TM6SF1: variants seen among roughly 807,000 people sequenced by gnomAD.
TM6SF1 encodes the protein transmembrane 6 superfamily member 1.
In TM6SF1, 43 loss-of-function variants were observed where a neutral mutation model predicts 47.1. That is an observed-to-expected ratio of 0.91 (90% CI 0.72 to 1.18). The LOEUF (loss-of-function observed/expected upper bound fraction) is 1.18, where lower values mean the gene tolerates loss of function less well. Ranked by LOEUF, TM6SF1 falls within the 50% of genes most tolerant of loss-of-function variation. The probability of loss-of-function intolerance (pLI) is 0.00; values close to 1 mark genes in which losing one functional copy is unlikely to be tolerated. For synonymous variants in TM6SF1, 177 were observed against 166.3 expected (o/e 1.06, Z -0.49); for missense variants, 390 against 449.0 (o/e 0.87, Z 1.19).
intron 9 of TM6SF1, chr15:83,129,401 G>T (rs1426663367): frequency 6.6e-6 from 1 of 152,200 alleles, no homozygotes; most frequent in Non-Finnish European, 1.5e-5. Context: ...CAGGTCAACT[G>T]AGGGGAGGCT....
intron 3 of TM6SF1, among the ~76,000 whole-genome samples, chr15:83,118,343 G>A (rs1364842239): frequency 2.6e-5 from 4 of 152,128 alleles, no homozygotes; most frequent in South Asian, 2.1e-4. Flanking sequence ...GAGTTCAGGC[G>A]AGTTGAAAGG....
intron 4 of TM6SF1, among the ~76,000 whole-genome samples, chr15:83,121,480 T>C (rs1429756821): frequency 1.3e-5 from 2 of 152,236 alleles, no homozygotes; most frequent in African/African-American, 4.8e-5. Context: ...TTTGGGGCTT[T>C]GGCCAAAATT....
At chr15:83,128,460 T>C (rs956412114) in intron 9 of TM6SF1, 3 of 152,230 alleles carry the variant, frequency 2.0e-5, no homozygotes, top group Non-Finnish European at 4.4e-5. Context: ...TATTGCTCTT[T>C]GCTGGTTGTT....
In TM6SF1 at chr15:83,111,764, A is replaced by C. The variant is rs115994225; in HGVS notation, c.93-1033A>C. Reference sequence around the variant, plus strand: ...TCAGTGCTGGAGGTGTGAGAGGGAGAGTATTGCTGTTGGACTGCAGGAGAA... The same window carrying C: ...TCAGTGCTGGAGGTGTGAGAGGGAGCGTATTGCTGTTGGACTGCAGGAGAA... On this transcript the variant is annotated intron_variant, in intron 1 of 9. Transcript: ENST00000322019. 2.3e-3 allele frequency: 1,967 copies of C among 837,826 alleles called. 36 individuals carry two copies. In the African/African-American group the frequency reaches 0.035, roughly 15 times the overall value. The allele number at this position is 837,826 out of a possible 1,614,324, so 51.9% of individuals were successfully genotyped here.
intron 1 of TM6SF1, among the ~76,000 whole-genome samples, chr15:83,110,008 G>A (rs986096764): frequency 1.3e-5 from 2 of 152,062 alleles, no homozygotes; most frequent in East Asian, 1.9e-4. Context: ...TACCTGCCCC[G>A]GCTATAGCTC....
Position 83,136,614 on chromosome 15 carries a change from G to A in TM6SF1, c.1055G>A (p.Arg352His), listed in dbSNP as rs570839027. 5.6e-6 allele frequency: 9 copies of A among 1,612,064 alleles called. No homozygotes were observed. Among genetic ancestry groups the A allele is most frequent in the Admixed American group, 1.7e-5 (1 of 59,558 alleles). Residue 352 changes from arginine (R) to histidine (H), a missense_variant, in exon 10 of 10, where the codon CGT becomes CAT. By Grantham distance (29) the Arg-to-His change is conservative. Transcript: ENST00000322019. The stretch of plus-strand genomic sequence containing the variant: ...GTTCTTCCTCAGCTCTTGGCCTATC[G>A]TTGTATCTACAAACCAGAGTTCTTC... The part of the protein sequence containing the change: ...YGVLPQLLAY[R>H]CIYKPEFFIK...
chr15:83,115,903 T>C lies in TM6SF1; in HGVS notation c.255T>C (p.Asp85=). ...VVNLIIGLEQ[D]GIIDGFMTHY... ...ACCTCATCATAGGACTGGAGCAAGATGGAATCATTGACGGGTTCATGACAC... is the reference window on the plus strand; with the variant it reads ...ACCTCATCATAGGACTGGAGCAAGACGGAATCATTGACGGGTTCATGACAC... Residue 85 remains aspartate, a synonymous_variant, in exon 3 of 10, where the codon GAT becomes GAC. Transcript: ENST00000322019. The C allele has an allele frequency of 1.2e-6, 2 of 1,614,186 alleles. No individual in the cohort carries two copies. Among genetic ancestry groups the C allele is most frequent in the Non-Finnish European group, 1.7e-6 (2 of 1,180,002 alleles).
intron 3 of TM6SF1, among the ~76,000 whole-genome samples, chr15:83,117,353 AAGAG>A (rs2034759822): frequency 1.3e-5 from 2 of 152,198 alleles, no homozygotes; most frequent in Admixed American, 1.3e-4. Flanking sequence ...GCAGTCCTGG[AAGAG>A]AGAGTCACGG....
rs1567126846 is a variant in TM6SF1, at chr15:83,107,798, CGCGCCGAGGGGCGGCGGGAGTT to C, written c.92+28_92+49del. 4 of 1,564,258 alleles carry C rather than the reference CGCGCCGAGGGGCGGCGGGAGTT, an allele frequency of 2.6e-6. No individual in the cohort carries two copies. Among genetic ancestry groups the C allele is most frequent in the Non-Finnish European group, 3.5e-6 (4 of 1,156,902 alleles). On this transcript the variant is annotated intron_variant, in intron 1 of 9. Transcript: ENST00000322019. This position sits in a 1 kb window ranked among gnomAD's most constrained non-coding sequence, Gnocchi z 5.6. ...GTGAGTGAGCCGGCGCGGCGGGGGT[CGCGCCGAGGGGCGGCGGGAGTT>C]GGCTCGCCGCGACGGGAGCCTCGCA...
chr15:83,109,277 G>A (rs1251531186), intron 1 of TM6SF1, among the ~76,000 whole-genome samples: 1 of 152,166 alleles, frequency 6.6e-6, no homozygotes, highest in East Asian at 1.9e-4. Context: ...AGCAGTGCAG[G>A]GGAAGGAATT....
At chr15:83,116,032 G>A in intron 3 of TM6SF1, 90 bp downstream of exon 3, 1 of 1,025,214 alleles carries the variant, frequency 9.8e-7, no homozygotes, top group Non-Finnish European at 1.5e-6. Flanking sequence ...CTCATTTAGT[G>A]TGAACAGGTA....
intron 7 of TM6SF1, 134 bp from the exon 8 acceptor site, chr15:83,126,621 T>G: frequency 7.8e-6 from 5 of 644,110 alleles, no homozygotes; most frequent in Non-Finnish European, 1.1e-5. Flanking sequence ...CCATCATTGA[T>G]GAGCCTCTAC....
intron 1 of TM6SF1, 172 bp from the exon 2 acceptor site, chr15:83,112,625 A>G: frequency 1.6e-6 from 1 of 621,500 alleles, no homozygotes; most frequent in South Asian, 1.9e-5. Flanking sequence ...CAGATGGGCC[A>G]AAGAGCTGCA....
chr15:83,121,993 A>C lies in TM6SF1; in HGVS notation c.471A>C (p.Gly157=), dbSNP rs150827850. ...TGAGTGTTGTTGTTTTTGTGCCAGG[A>C]AACATTGTAGGTAAGAAACTTTATC... ...IIMSVVVFVP[G]NIVGKYGTRI... is the part of the protein sequence containing the mutation. Residue 157 remains glycine, a synonymous_variant, in exon 5 of 10, where the codon GGA becomes GGC. Coordinates refer to ENST00000322019, the MANE Select transcript of TM6SF1 (RefSeq NM_023003.5). 4.3e-6 allele frequency: 7 copies of C among 1,610,894 alleles called. No individual in the cohort carries two copies. The South Asian group carries it at 7.8e-5, about 18-fold the overall frequency.
chr15:83,134,511 C>G (rs2036483301), intron 9 of TM6SF1: 1 of 152,354 alleles, frequency 6.6e-6, no homozygotes, highest in Non-Finnish European at 1.5e-5. Flanking sequence ...GCGTGAGCCA[C>G]TGCGCCCGGC....
At chr15:83,126,651 A>G in intron 7 of TM6SF1, 104 bp from the exon 8 acceptor site, 1 of 896,020 alleles carries the variant, frequency 1.1e-6, no homozygotes. Flanking sequence ...GTTTTGTTAA[A>G]CAGCAAAGCA....
chr15:83,122,543 T>G (rs1260188337), intron 5 of TM6SF1, among the ~76,000 whole-genome samples: 1 of 152,196 alleles, frequency 6.6e-6, no homozygotes, highest in Non-Finnish European at 1.5e-5. Context: ...CACTGCAGCC[T>G]TGATCTCCTG....
chr15:83,115,805 T>A, intron 2 of TM6SF1, 40 bp from the exon 3 acceptor site: 1 of 1,346,644 alleles, frequency 7.4e-7, no homozygotes, highest in Non-Finnish European at 1.1e-6. Context: ...AATTGTCTCC[T>A]GAGCTATTGC....
chr15:83,119,629 G>A lies in TM6SF1; in HGVS notation c.346G>A (p.Gly116Ser). The A allele has an allele frequency of 6.2e-7, 1 of 1,614,200 alleles. No homozygotes were observed. The highest frequency in any genetic ancestry group is 8.5e-7 in the Non-Finnish European group (1 of 1,180,040). The change falls in exon 4 of 10, where the codon GGC becomes AGC. Residue 116 changes from glycine to serine, a missense_variant. Coordinates refer to ENST00000322019, the MANE Select transcript of TM6SF1 (RefSeq NM_023003.5). ...AYGHMICYWD[G>S]SAHYLMYLVM... ...TGGGCACATGATCTGCTACTGGGAT[G>A]GCTCTGCTCATTATCTGATGTACCT...
Sources: gnomAD v4.1 joint callset for allele counts (sites outside exome capture counted in the v4.1 genomes callset) on GRCh38, gnomAD v4.1.1 for gene constraint, Gnocchi (gnomAD v3.1) non-coding constraint, MANE v1.5 for transcripts, NCBI Gene and HGNC (gene_info 2026-07-23, HGNC 2026-07-21) for gene names.